CPEB3: variants seen among roughly 807,000 people sequenced by gnomAD.
The protein encoded by CPEB3 is cytoplasmic polyadenylation element-binding protein 3.
A neutral mutation model predicts 67.2 loss-of-function variants in CPEB3; 20 were observed. The observed-to-expected ratio is 0.30, with a 90% CI of 0.21 to 0.43. The LOEUF is 0.43. CPEB3 is among the 20% of genes least tolerant of loss of function. The pLI is 1.00. For synonymous variants in CPEB3, 376 were observed against 393.1 expected, an observed-to-expected ratio of 0.96 and a Z score of 0.51; for missense variants, 746 against 968.6, an observed-to-expected ratio of 0.77 and a Z score of 3.05.
At chr10:92,100,042 G>A (rs1034875055) in intron 7 of CPEB3, among the ~76,000 whole-genome samples, 1 of 152,034 alleles carries the variant, frequency 6.6e-6, no homozygotes, top group African/African-American at 2.4e-5. Flanking sequence ...GGCTAAGGTG[G>A]GAAGATCGTT....
chr10:92,112,782 C>T (rs1267357538), intron 6 of CPEB3, among the ~76,000 whole-genome samples: 2 of 152,196 alleles, frequency 1.3e-5, no homozygotes, highest in African/African-American at 4.8e-5. Context: ...CTGCTACTAA[C>T]CTCAAAGGAA....
At chr10:92,122,824 C>T (rs565510222) in intron 6 of CPEB3, among the ~76,000 whole-genome samples, 49 of 152,302 alleles carry the variant, frequency 3.2e-4, no homozygotes, top group African/African-American at 7.9e-4. Flanking sequence ...ATTGAAAACA[C>T]GGAGAAGACA....
At position 92,198,585 on chromosome 10, in the gene CPEB3, T is replaced by C. The variant is rs546075548; in HGVS notation, c.1006-5949A>G. On this transcript the variant is annotated intron_variant, in intron 2 of 9. Coordinates refer to ENST00000265997, the MANE Select transcript of CPEB3 (RefSeq NM_014912.5). ...CTGCTAGACATACAAAGTGGAAGGC[T>C]GAAAGGGCCAACAGCATCTGGGGAT... Among the ~76,000 whole-genome samples, 5 of 152,288 alleles carry C rather than the reference T, an allele frequency of 3.3e-5. No individual in the cohort carries two copies. The South Asian group carries it at 1.0e-3, about 32-fold the overall frequency.
chr10:92,289,466 C>G (rs1842696365), intron 1 of CPEB3, among the ~76,000 whole-genome samples: 2 of 151,914 alleles, frequency 1.3e-5, no homozygotes, highest in Admixed American at 1.3e-4. Flanking sequence ...CACTTGAAGT[C>G]AGGAAGTGGA....
At chr10:92,094,605 A>G (rs1224624617) in intron 7 of CPEB3, among the ~76,000 whole-genome samples, 2 of 152,032 alleles carry the variant, frequency 1.3e-5, no homozygotes, top group Non-Finnish European at 2.9e-5. Flanking sequence ...CCCTTTCAAA[A>G]AAAAAAAAAA....
Position 92,192,636 on chromosome 10 carries a change from C to T in CPEB3, c.1006G>A (p.Asp336Asn), listed in dbSNP as rs771847381. The change falls in exon 3 of 10, where the codon GAC becomes AAC. Residue 336 changes from aspartate to asparagine, a missense_variant and splice_region_variant. Asp to Asn is a conservative substitution (Grantham distance 23, BLOSUM62 1). Around this residue, in one of 2 missense-constraint regions of CPEB3, gnomAD observed 643 missense variants for 717.5 expected, o/e 0.90. Coordinates refer to ENST00000265997, the MANE Select transcript of CPEB3 (RefSeq NM_014912.5). ...DNGNNLLPFQ[D>N]RSRPYDTFNL... ...AAAGTATCATAGGGCCTACTCCGGT[C>T]CTAAGAATAAAAACAAAAACAAGAC... is the stretch of plus-strand genomic sequence containing the variant. 23 of 1,573,974 alleles carry T rather than the reference C, an allele frequency of 1.5e-5. No individual in the cohort carries two copies. In the Admixed American group the frequency reaches 2.7e-4, roughly 18 times the overall value.
chr10:92,202,328 T>G (rs929589547), intron 2 of CPEB3, among the ~76,000 whole-genome samples: 2 of 152,028 alleles, frequency 1.3e-5, no homozygotes, highest in East Asian at 3.9e-4. Flanking sequence ...TATACACTGA[T>G]GTTTATAACA....
chr10:92,161,458 A>G (rs1847473588), intron 4 of CPEB3, among the ~76,000 whole-genome samples: 2 of 151,936 alleles, frequency 1.3e-5, no homozygotes, highest in Non-Finnish European at 2.9e-5. Context: ...TTTTTAGTAG[A>G]GACACGATTT....
chr10:92,217,943 C>A (rs1009560601), intron 2 of CPEB3, among the ~76,000 whole-genome samples: 11 of 152,124 alleles, frequency 7.2e-5, no homozygotes, highest in African/African-American at 2.7e-4. Flanking sequence ...CATGGCAAAA[C>A]CCCGTTTCTA....
chr10:92,085,358 T>A lies in CPEB3; in HGVS notation c.1688-3857A>T, dbSNP rs1423578964. On this transcript the variant is annotated intron_variant, in intron 8 of 9. Coordinates refer to ENST00000265997, the MANE Select transcript of CPEB3 (RefSeq NM_014912.5). ...ACCATACTTTGGACAAGATGCTCTG[T>A]GATCCTAAGACAACTTAAGTTGTCT... Among the ~76,000 whole-genome samples the A allele has an allele frequency of 2.6e-5, 4 of 152,212 alleles. No homozygotes were observed. The East Asian group carries it at 7.7e-4, about 29-fold the overall frequency.
intron 9 of CPEB3, among the ~76,000 whole-genome samples, chr10:92,068,700 A>C (rs1184494548): frequency 6.6e-6 from 1 of 152,238 alleles, no homozygotes; most frequent in Non-Finnish European, 1.5e-5. Context: ...CCAAGGGAGG[A>C]GACATGAAAG....
intron 4 of CPEB3, among the ~76,000 whole-genome samples, chr10:92,150,505 T>C (rs1399720883): frequency 6.6e-6 from 1 of 152,180 alleles, no homozygotes; most frequent in African/African-American, 2.4e-5. Context: ...GAAATTTTAT[T>C]TCCATATGCA....
chr10:92,099,051 C>T (rs1183203640), intron 7 of CPEB3, among the ~76,000 whole-genome samples: 5 of 151,794 alleles, frequency 3.3e-5, no homozygotes, highest in Admixed American at 6.6e-5. Context: ...GGATTACAGG[C>T]GTGAGCCACC....
At chr10:92,229,013 A>AT (rs1851129856) in intron 2 of CPEB3, among the ~76,000 whole-genome samples, 1 of 151,248 alleles carries the variant, frequency 6.6e-6, no homozygotes, top group African/African-American at 2.4e-5. Context: ...CACCCAGCCA[A>AT]TTTTTTAAAA....
chr10:92,176,094 A>G (rs1848210637), intron 4 of CPEB3, among the ~76,000 whole-genome samples: 1 of 151,462 alleles, frequency 6.6e-6, no homozygotes, highest in Non-Finnish European at 1.5e-5. Context: ...CTGTCTCCAA[A>G]TAAGTAAATA....
intron 1 of CPEB3, among the ~76,000 whole-genome samples, chr10:92,244,074 G>A (rs1851956991): frequency 6.6e-6 from 1 of 152,062 alleles, no homozygotes; most frequent in East Asian, 1.9e-4. Context: ...TTGCCGGGCA[G>A]GGTGGCTCAT....
intron 9 of CPEB3, among the ~76,000 whole-genome samples, chr10:92,058,592 CAT>C (rs58100356): frequency 0.038 from 5,340 of 140,232 alleles, 218 homozygotes; most frequent in African/African-American, 0.11. Context: ...TACATACATA[CAT>C]ATATATATAT....
rs139493409 is a variant in CPEB3, at chr10:92,124,925, C to T, written c.1454-13731G>A. 4.6e-5 allele frequency among the ~76,000 whole-genome samples: 7 copies of T among 152,364 alleles called. No individual in the cohort carries two copies. In the East Asian group the frequency reaches 1.3e-3, roughly 29 times the overall value. ...TTTTGCCCACTCAAAGTAGATTCCT[C>T]TTCCTTGTTCCTCAAGCAGGATCTC... On this transcript the variant is annotated intron_variant, in intron 6 of 9. Coordinates refer to ENST00000265997, the MANE Select transcript of CPEB3 (RefSeq NM_014912.5).
chr10:92,102,022 G>T (rs1844212759), intron 7 of CPEB3, among the ~76,000 whole-genome samples: 1 of 152,160 alleles, frequency 6.6e-6, no homozygotes, highest in South Asian at 2.1e-4. Flanking sequence ...CAATAATTGT[G>T]GTTTAGACTC....
Sources: allele counts gnomAD v4.1 joint callset (sites outside exome capture counted in the v4.1 genomes callset), GRCh38; gene constraint gnomAD v4.1.1; regional missense constraint gnomAD v4.1.1; transcripts MANE v1.5; gene names NCBI Gene and HGNC (gene_info 2026-07-23, HGNC 2026-07-21).